Variants in SPMIP11 observed in about 807,000 individuals in gnomAD.
SPMIP11 encodes long intergenic non-protein coding RNA 935.
chr12:48,728,525 G>A, the SPMIP11 span, among the ~76,000 whole-genome samples: 5 of 151,980 alleles, frequency 3.3e-5, no homozygotes, highest in Admixed American at 6.6e-5. Context: ...TGGCTAACAC[G>A]GTGAAACCCC....
chr12:48,733,733 G>A, the SPMIP11 span, among the ~76,000 whole-genome samples: 1 of 150,288 alleles, frequency 6.7e-6, no homozygotes, highest in Non-Finnish European at 1.5e-5. Context: ...CCAAGGATAA[G>A]AGGGGACTAC....
the SPMIP11 span, among the ~76,000 whole-genome samples, chr12:48,746,256 A>G: frequency 5.2e-4 from 79 of 152,326 alleles, no homozygotes; most frequent in African/African-American, 1.8e-3. Context: ...ACATCTAAAA[A>G]TCCAGAGATT....
the SPMIP11 span, among the ~76,000 whole-genome samples, chr12:48,760,090 C>G: frequency 1.3e-5 from 2 of 152,032 alleles, no homozygotes; most frequent in Non-Finnish European, 1.5e-5. Context: ...AGCCACCATG[C>G]CCATCAATGA....
the SPMIP11 span, among the ~76,000 whole-genome samples, chr12:48,749,893 G>A: frequency 4.6e-5 from 7 of 151,342 alleles, no homozygotes; most frequent in South Asian, 1.2e-3. Context: ...GGGTTTCACC[G>A]TGTTAGCCAG....
At chr12:48,762,078 G>A in the SPMIP11 span, among the ~76,000 whole-genome samples, 24 of 111,042 alleles carry the variant, frequency 2.2e-4, no homozygotes, top group Admixed American at 8.5e-4. Context: ...TTTTTGAGAC[G>A]GAGTCTCTCT....
chr12:48,763,015 C>A, the SPMIP11 span, among the ~76,000 whole-genome samples: 3 of 152,066 alleles, frequency 2.0e-5, no homozygotes, highest in Non-Finnish European at 2.9e-5. Context: ...TGAGCCACTG[C>A]ACCTGGTTTC....
chr12:48,730,496 T>G, the SPMIP11 span, among the ~76,000 whole-genome samples: 1 of 152,232 alleles, frequency 6.6e-6, no homozygotes, highest in Admixed American at 6.5e-5. Flanking sequence ...TAATCCATAC[T>G]TTTGTTGGCT....
At chr12:48,769,069 GGA>G in the SPMIP11 span, 1 of 1,605,880 alleles carries the variant, frequency 6.2e-7, no homozygotes, top group African/African-American at 1.3e-5. Context: ...GCCCTGAGGT[GGA>G]GAGAACAGCA....
chr12:48,749,496 C>T, the SPMIP11 span, among the ~76,000 whole-genome samples: 7 of 149,940 alleles, frequency 4.7e-5, no homozygotes, highest in African/African-American at 7.3e-5. Flanking sequence ...GGCATGGTGG[C>T]GTATGCCTGT....
the SPMIP11 span, among the ~76,000 whole-genome samples, chr12:48,730,724 G>C: frequency 1.3e-5 from 2 of 152,018 alleles, no homozygotes; most frequent in African/African-American, 4.8e-5. Flanking sequence ...GATCACCTGA[G>C]GTCAGGAGTT....
chr12:48,752,697 GT>G, the SPMIP11 span, among the ~76,000 whole-genome samples: 1 of 125,660 alleles, frequency 8.0e-6, no homozygotes, highest in African/African-American at 3.1e-5. Flanking sequence ...TTTTGACAGA[GT>G]TTTGCTCTTG....
chr12:48,769,589 CT>C, the SPMIP11 span, among the ~76,000 whole-genome samples: 1,611 of 138,786 alleles, frequency 0.012, 12 homozygotes, highest in Middle Eastern at 0.015. Context: ...CCTTTCTTTT[CT>C]TTTTTTTTTT....
the SPMIP11 span, chr12:48,767,015 G>T: frequency 6.6e-6 from 1 of 152,356 alleles, no homozygotes; most frequent in Non-Finnish European, 1.5e-5. Flanking sequence ...AGGGACTGGG[G>T]AGCTAGAAAC....
At chr12:48,763,694 T>A in the SPMIP11 span, among the ~76,000 whole-genome samples, 1 of 151,680 alleles carries the variant, frequency 6.6e-6, no homozygotes, top group Non-Finnish European at 1.5e-5. Context: ...TTTTTTTTTT[T>A]TTTTGAGACA....
the SPMIP11 span, among the ~76,000 whole-genome samples, chr12:48,758,200 TAAG>T: frequency 4.6e-5 from 7 of 151,766 alleles, no homozygotes; most frequent in African/African-American, 1.7e-4. Flanking sequence ...GAAAAGAAAA[TAAG>T]AAAATGTTGG....
chr12:48,744,838 A>G, the SPMIP11 span, among the ~76,000 whole-genome samples: 320 of 152,104 alleles, frequency 2.1e-3, 2 homozygotes, highest in African/African-American at 7.2e-3. Context: ...AAGAAGAAGA[A>G]AAAAAGAAGA....
At chr12:48,765,080 G>A in the SPMIP11 span, 23 of 627,472 alleles carry the variant, frequency 3.7e-5, no homozygotes, top group East Asian at 1.9e-4. Context: ...TTTCATCTCC[G>A]GTCAGTTAGG....
At chr12:48,739,697 G>A in the SPMIP11 span, among the ~76,000 whole-genome samples, 1 of 152,080 alleles carries the variant, frequency 6.6e-6, no homozygotes, top group Non-Finnish European at 1.5e-5. Context: ...GGTACTATAC[G>A]CTTTTAAACA....
the SPMIP11 span, among the ~76,000 whole-genome samples, chr12:48,750,264 G>T: frequency 6.6e-6 from 1 of 151,992 alleles, no homozygotes; most frequent in Non-Finnish European, 1.5e-5. Flanking sequence ...GAGGAGAGAG[G>T]ATTACTTGAA....
Sources: allele counts gnomAD v4.1 joint callset (sites outside exome capture counted in the v4.1 genomes callset), GRCh38; gene constraint gnomAD v4.1.1; transcripts MANE v1.5; gene names NCBI Gene and HGNC (gene_info 2026-07-23, HGNC 2026-07-21).